The following SIN3A variants were observed in gnomAD, a reference collection of about 807,000 sequenced individuals.
SIN3A encodes SIN3 transcription regulator family member A.
A neutral mutation model predicts 146.1 loss-of-function variants in SIN3A; 14 were observed. The observed-to-expected ratio is 0.10, with a 90% CI of 0.06 to 0.15. The LOEUF is 0.15. SIN3A is among the 10% of genes least tolerant of loss of function. The pLI is 1.00. For synonymous variants in SIN3A, 572 were observed against 572.0 expected (o/e 1.00, Z 0.00); for missense variants, 1,028 against 1,576.0 (o/e 0.65, Z 5.89).
chr15:75,449,190 G>A (rs750179085), intron 1 of SIN3A, among the ~76,000 whole-genome samples: 1 of 152,066 alleles, frequency 6.6e-6, no homozygotes, highest in Non-Finnish European at 1.5e-5. Context: ...AAAACCACCT[G>A]GATTTTTTGT....
intron 19 of SIN3A, chr15:75,376,275 ATT>A (rs1300454298): frequency 4.0e-5 from 8 of 198,996 alleles, no homozygotes; most frequent in African/African-American, 1.9e-4. Flanking sequence ...TTCATGATAG[ATT>A]TGTCTTATTC....
At chr15:75,451,315 T>C (rs1453409808) in intron 1 of SIN3A, 108 bp downstream of exon 1, 2 of 110,088 alleles carry the variant, frequency 1.8e-5, no homozygotes, top group African/African-American at 6.9e-5. Context: ...CCGTCTGCTC[T>C]ACGGGAAGCC....
Position 75,371,971 on chromosome 15 carries a change from C to A in SIN3A, c.*8G>T, listed in dbSNP as rs2072759713. The A allele has an allele frequency of 6.2e-7, 1 of 1,612,928 alleles. No homozygotes were observed. Among genetic ancestry groups the A allele is most frequent in the Non-Finnish European group, 8.5e-7 (1 of 1,178,892 alleles). On this transcript the variant is annotated 3_prime_UTR_variant, in exon 21 of 21. Transcript: ENST00000394947. ...ACACACCCCAAGTTATCTGCTCTGG[C>A]TTTGCAGTTAAGGGGCTTTGAATAC...
intron 1 of SIN3A, among the ~76,000 whole-genome samples, chr15:75,431,252 C>T (rs768574992): frequency 6.6e-6 from 1 of 152,150 alleles, no homozygotes; most frequent in Non-Finnish European, 1.5e-5. Context: ...GTTCCTCATT[C>T]TATGTGAATT....
intron 6 of SIN3A, among the ~76,000 whole-genome samples, chr15:75,411,194 G>A (rs956025246): frequency 3.3e-5 from 5 of 152,088 alleles, no homozygotes; most frequent in African/African-American, 9.7e-5. Flanking sequence ...TGGGCGTGGT[G>A]GGCGGAGCCT....
intron 9 of SIN3A, among the ~76,000 whole-genome samples, chr15:75,406,704 A>C (rs1226200577): frequency 6.6e-6 from 1 of 152,216 alleles, no homozygotes; most frequent in African/African-American, 2.4e-5. Context: ...AAAGATTACA[A>C]GTCATCTTAA....
chr15:75,395,530 A>G (rs542603993), intron 13 of SIN3A, among the ~76,000 whole-genome samples: 3 of 152,278 alleles, frequency 2.0e-5, no homozygotes, highest in Non-Finnish European at 4.4e-5. Context: ...TGTGCAGCAA[A>G]TAAGAATTAA....
chr15:75,389,237 G>A (rs563901677), intron 16 of SIN3A, among the ~76,000 whole-genome samples: 1 of 152,172 alleles, frequency 6.6e-6, no homozygotes, highest in East Asian at 1.9e-4. Flanking sequence ...AAGACAGGAG[G>A]ATCACTTGAG....
intron 3 of SIN3A, chr15:75,415,457 AG>A: frequency 5.1e-6 from 1 of 195,424 alleles, no homozygotes; most frequent in Non-Finnish European, 1.1e-5. Context: ...GAAAGCCTGA[AG>A]GGGATGCTAA....
chr15:75,409,802 A>G, intron 8 of SIN3A, 34 bp downstream of exon 8: 2 of 1,603,220 alleles, frequency 1.2e-6, no homozygotes, highest in Middle Eastern at 2.3e-4. Context: ...AATACTTGTG[A>G]GTGTCAAAAT....
At chr15:75,384,236 G>A in intron 17 of SIN3A, 28 bp downstream of exon 17, 12 of 1,560,530 alleles carry the variant, frequency 7.7e-6, no homozygotes, top group Non-Finnish European at 9.6e-6. Flanking sequence ...TCACCAGCAA[G>A]GTCTTCGACT....
intron 19 of SIN3A, among the ~76,000 whole-genome samples, chr15:75,376,942 C>T (rs1476712262): frequency 6.7e-6 from 1 of 149,988 alleles, no homozygotes. Flanking sequence ...TTTCTGTAGA[C>T]AGCAGTTCTT....
intron 1 of SIN3A, among the ~76,000 whole-genome samples, chr15:75,435,291 T>C (rs1223273422): frequency 6.6e-6 from 1 of 152,058 alleles, no homozygotes; most frequent in African/African-American, 2.4e-5. Context: ...AATCTAAATA[T>C]CTATCAGCTA....
chr15:75,452,237 G>C (rs912760900), upstream of SIN3A, among the ~76,000 whole-genome samples: 1 of 152,260 alleles, frequency 6.6e-6, no homozygotes, highest in Non-Finnish European at 1.5e-5. Context: ...CCATTGGCCA[G>C]GGCGCCCGTC....
At position 75,384,365 on chromosome 15, in the gene SIN3A, C is replaced by A. The variant is rs756434325; in HGVS notation, c.3094G>T (p.Ala1032Ser). Residue 1032 changes from alanine to serine, a missense_variant, in exon 17 of 21, where the codon GCC becomes TCC. Physicochemically the swap from Ala to Ser is moderately conservative, Grantham distance 99 (BLOSUM62 1). Coordinates refer to ENST00000394947, the MANE Select transcript of SIN3A (RefSeq NM_001145358.2). Reference sequence around the variant, plus strand: ...TGTGTGTTCAGCTGGCCTCCGGTGGCCCCATTATTATTTTCTGCCAGGTAA... The same window carrying A: ...TGTGTGTTCAGCTGGCCTCCGGTGGACCCATTATTATTTTCTGCCAGGTAA... ...DLYLAENNNG[A>S]TGGQLNTQNS... 2.5e-6 allele frequency: 4 copies of A among 1,613,408 alleles called. No homozygotes were observed. Among genetic ancestry groups the A allele is most frequent in the African/African-American group, 2.7e-5 (2 of 74,876 alleles).
At chr15:75,430,055 TTA>T in intron 2 of SIN3A, 130 bp downstream of exon 2, 1 of 695,770 alleles carries the variant, frequency 1.4e-6, no homozygotes. Flanking sequence ...GAGTACACAG[TTA>T]TTTTTTTTTT....
chr15:75,413,547 GTT>G (rs10713555), intron 4 of SIN3A, among the ~76,000 whole-genome samples: 17 of 141,246 alleles, frequency 1.2e-4, no homozygotes, highest in Non-Finnish European at 1.1e-4. Flanking sequence ...GCCACAATTT[GTT>G]TTTTTTTTTT....
upstream of SIN3A, among the ~76,000 whole-genome samples, chr15:75,452,347 C>T (rs1281082280): frequency 6.6e-6 from 1 of 152,024 alleles, no homozygotes; most frequent in African/African-American, 2.4e-5. Context: ...TTCCAGGGCC[C>T]GAGATAGGAG....
chr15:75,442,312 A>G (rs2074230015), intron 1 of SIN3A, among the ~76,000 whole-genome samples: 1 of 151,150 alleles, frequency 6.6e-6, no homozygotes, highest in African/African-American at 2.4e-5. Flanking sequence ...TTTTTGGCAA[A>G]GTGCAGTGGT....
Sources: gnomAD v4.1 joint callset for allele counts (sites outside exome capture counted in the v4.1 genomes callset) on GRCh38, gnomAD v4.1.1 for gene constraint, MANE v1.5 for transcripts, NCBI Gene and HGNC (gene_info 2026-07-23, HGNC 2026-07-21) for gene names.